Variants in BPIFA1 observed in about 807,000 individuals in gnomAD.
The protein encoded by BPIFA1 is BPI fold-containing family A member 1.
Under a neutral mutation model 25.1 loss-of-function variants are expected in BPIFA1, and 24 were observed. The observed-to-expected ratio is 0.96, with a 90% CI of 0.69 to 1.35. The LOEUF (loss-of-function observed/expected upper bound fraction) is 1.35. Among genes scored for constraint, BPIFA1 ranks in the 40% most tolerant of loss-of-function variants. The pLI is 0.00. For missense variants in BPIFA1, 344 were observed against 303.7 expected (o/e 1.13, Z -0.99); for synonymous variants, 139 against 131.8 (o/e 1.05, Z -0.37).
At chr20:33,240,150 C>T in intron 4 of BPIFA1, 83 bp from the exon 5 acceptor site, 13 of 1,562,288 alleles carry the variant, frequency 8.3e-6, no homozygotes, top group Non-Finnish European at 1.0e-5. Flanking sequence ...TGAGGTGAGG[C>T]TAGCATTCTT....
chr20:33,242,376 C>T (rs1979022123), intron 7 of BPIFA1, 111 bp from the exon 8 acceptor site: 9 of 1,315,632 alleles, frequency 6.8e-6, no homozygotes, highest in Middle Eastern at 1.8e-4. Flanking sequence ...TGAACACAGT[C>T]GGATCTCCAG....
rs770401299 is a variant in BPIFA1, at chr20:33,238,163, G to A, written c.269G>A (p.Gly90Glu). 7 of 1,613,794 alleles carry A rather than the reference G, an allele frequency of 4.3e-6. No individual in the cohort carries two copies. The highest frequency in any genetic ancestry group is 3.3e-5 in the Admixed American group (2 of 59,984). The change falls in exon 3 of 9, where the codon GGA becomes GAA. Residue 90 changes from glycine (G) to glutamate (E), a missense_variant. Gly to Glu is a moderately conservative substitution (Grantham distance 98, BLOSUM62 -2). Transcript: ENST00000354297. ...GGTACTTCTGGTGGCCTCCTTGGGG[G>A]ACTGCTTGGAAAAGTGACGTCAGTG... ...GGGTSGGLLG[G>E]LLGKVTSVIP...
chr20:33,237,480 A>G (rs1169122024), intron 1 of BPIFA1, among the ~76,000 whole-genome samples: 1 of 152,186 alleles, frequency 6.6e-6, no homozygotes, highest in Non-Finnish European at 1.5e-5. Context: ...TGCAGGTAAC[A>G]GGTGCCCATG....
intron 6 of BPIFA1, 52 bp from the exon 7 acceptor site, chr20:33,242,004 C>A: frequency 6.5e-7 from 1 of 1,530,858 alleles, no homozygotes; most frequent in South Asian, 1.1e-5. Flanking sequence ...ACTAGGGATT[C>A]TGCTGCTCCA....
intron 2 of BPIFA1, 66 bp downstream of exon 2, chr20:33,237,937 T>C (rs1978769157): frequency 1.2e-5 from 16 of 1,387,040 alleles, no homozygotes; most frequent in Non-Finnish European, 1.5e-5. Flanking sequence ...TGTGTGTGTG[T>C]GTGTGTGTGT....
In BPIFA1 at chr20:33,237,788, T is replaced by C; in HGVS notation, c.77T>C (p.Val26Ala). 1 of 1,598,932 alleles carries C rather than the reference T, an allele frequency of 6.3e-7. No individual in the cohort carries two copies. Among genetic ancestry groups the C allele is most frequent in the East Asian group, 2.3e-5 (1 of 44,432 alleles). The stretch of plus-strand genomic sequence containing the variant: ...ATGGCCCAGTTTGGAGGCCTGCCCG[T>C]GCCCCTGGACCAGACCCTGCCCTTG... ...QTMAQFGGLP[V>A]PLDQTLPLNV... is the part of the protein sequence containing the mutation. Residue 26 changes from valine (V) to alanine (A), a missense_variant, in exon 2 of 9, where the codon GTG (valine) becomes GCG (alanine). Physicochemically the swap from Val to Ala is moderately conservative, Grantham distance 64 (BLOSUM62 0). Transcript: ENST00000354297.
In BPIFA1 at chr20:33,238,074, G is replaced by C. The variant is rs767007833; in HGVS notation, c.180G>C (p.Leu60=). 7.4e-6 allele frequency: 12 copies of C among 1,613,804 alleles called. No individual in the cohort carries two copies. The highest frequency in any genetic ancestry group is 7.6e-6 in the Non-Finnish European group (9 of 1,179,900). ...SLTNALSNGL[L]SGGLLGILEN... is the part of the protein sequence containing the mutation. ...TTCCAGCCCTCAGCAATGGCCTGCT[G>C]TCTGGGGGCCTGTTGGGCATTCTGG... The change falls in exon 3 of 9, where the codon CTG becomes CTC. Residue 60 remains leucine (L), a synonymous_variant. Coordinates refer to ENST00000354297, the MANE Select transcript of BPIFA1 (RefSeq NM_130852.3).
Position 33,237,777 on chromosome 20 carries a change from A to G in BPIFA1, c.66A>G (p.Gly22=), listed in dbSNP as rs1207762294. ...GLLAQTMAQF[G]GLPVPLDQTL... ...TAGCCCAGACCATGGCCCAGTTTGG[A>G]GGCCTGCCCGTGCCCCTGGACCAGA... The change falls in exon 2 of 9, where the codon GGA becomes GGG. Residue 22 remains glycine, a synonymous_variant. Coordinates refer to ENST00000354297, the MANE Select transcript of BPIFA1 (RefSeq NM_130852.3). 1 of 1,590,794 alleles carries G rather than the reference A, an allele frequency of 6.3e-7. No individual in the cohort carries two copies.
At position 33,237,763 on chromosome 20, in the gene BPIFA1, ATGGCCCAGTTTGGAGGCC is replaced by A. The variant is rs1269099480; in HGVS notation, c.55_72del (p.Ala19_Leu24del). 6.3e-7 allele frequency: 1 copy of A among 1,580,192 alleles called. No individual in the cohort carries two copies. The highest frequency in any genetic ancestry group is 8.6e-7 in the Non-Finnish European group (1 of 1,163,328). ...CTTCTACGGGCTGTTAGCCCAGACC[ATGGCCCAGTTTGGAGGCC>A]TGCCCGTGCCCCTGGACCAGACCCT... On this transcript the variant is annotated inframe_deletion, in exon 2 of 9. Coordinates refer to ENST00000354297, the MANE Select transcript of BPIFA1 (RefSeq NM_130852.3).
chr20:33,240,530 A>AGATGGATGGATGGATGGATG (rs10677320), intron 5 of BPIFA1, 145 bp downstream of exon 5: 9 of 749,494 alleles, frequency 1.2e-5, no homozygotes, highest in South Asian at 3.8e-5. Context: ...GAGCGTGGAA[A>AGATGGATGGATGGATGGATG]GATGGATGGA....
At chr20:33,237,245 A>C (rs932551354) in intron 1 of BPIFA1, among the ~76,000 whole-genome samples, 2 of 152,194 alleles carry the variant, frequency 1.3e-5, no homozygotes, top group Admixed American at 6.5e-5. Flanking sequence ...AGTGGGTTTC[A>C]AGAAGGGATG....
At chr20:33,240,138 A>G in intron 4 of BPIFA1, 95 bp from the exon 5 acceptor site, 5 of 1,529,668 alleles carry the variant, frequency 3.3e-6, no homozygotes, top group Non-Finnish European at 4.4e-6. Flanking sequence ...GGCAAGATGG[A>G]GTGAGGTGAG....
chr20:33,240,644 A>ATGAT (rs1394615072), intron 5 of BPIFA1, among the ~76,000 whole-genome samples: 2 of 105,846 alleles, frequency 1.9e-5, no homozygotes, highest in African/African-American at 3.5e-5. Flanking sequence ...GGATAGATAG[A>ATGAT]TGATAGATAG....
Position 33,242,095 on chromosome 20 carries a change from A to G in BPIFA1, c.706A>G (p.Ile236Val), listed in dbSNP as rs745833733. ...CAATGAGGTTCTCAGAGGCTTGGAC[A>G]TCACCCTGGTGCATGACATTGTTAG... ...LVNEVLRGLD[I>V]TLVHDIVNML... The change falls in exon 7 of 9, where the codon ATC becomes GTC. Residue 236 changes from isoleucine to valine, a missense_variant. Physicochemically the swap from Ile to Val is conservative, Grantham distance 29. Transcript: ENST00000354297. The G allele has an allele frequency of 6.2e-7, 1 of 1,614,154 alleles. No individual in the cohort carries two copies. The highest frequency in any genetic ancestry group is 2.2e-5 in the East Asian group (1 of 44,886).
chr20:33,237,859 A>T lies in BPIFA1; in HGVS notation c.148A>T (p.Ser50Cys). The change falls in exon 2 of 9, where the codon AGC becomes TGC. Residue 50 changes from serine (S) to cysteine (C), a missense_variant. By Grantham distance (112) the Ser-to-Cys change is moderately radical (BLOSUM62 -1). Transcript: ENST00000354297. ...LPLSPTGLAG[S>C]LTNALSNGLL... ...CTTGAGTCCCACAGGTCTTGCAGGA[A>T]GCTTGACAAATGGTGAGTTTTCAGG... 6.3e-7 allele frequency: 1 copy of T among 1,575,434 alleles called. No homozygotes were observed. Among genetic ancestry groups the T allele is most frequent in the Non-Finnish European group, 8.6e-7 (1 of 1,162,354 alleles).
intron 1 of BPIFA1, among the ~76,000 whole-genome samples, chr20:33,236,636 C>T (rs1330429519): frequency 6.6e-6 from 1 of 152,144 alleles, no homozygotes; most frequent in Non-Finnish European, 1.5e-5. Flanking sequence ...TGCTGGCTGC[C>T]AAATAGACCT....
At chr20:33,241,944 G>A in intron 6 of BPIFA1, 112 bp from the exon 7 acceptor site, 1 of 951,122 alleles carries the variant, frequency 1.1e-6, no homozygotes, top group Non-Finnish European at 1.7e-6. Context: ...GGATTGCTTA[G>A]AATCACTTTC....
chr20:33,240,049 C>G, intron 4 of BPIFA1, 139 bp downstream of exon 4: 1 of 1,331,078 alleles, frequency 7.5e-7, no homozygotes, highest in Non-Finnish European at 1.1e-6. Flanking sequence ...TGCTAAGTGG[C>G]CTTGGGTCAC....
intron 2 of BPIFA1, 39 bp from the exon 3 acceptor site, chr20:33,238,016 T>G (rs1264503364): frequency 1.3e-6 from 2 of 1,588,506 alleles, no homozygotes; most frequent in Non-Finnish European, 1.7e-6. Flanking sequence ...TCTGGAATTG[T>G]CAGATCTGAC....
Sources: allele counts gnomAD v4.1 joint callset (sites outside exome capture counted in the v4.1 genomes callset), GRCh38; gene constraint gnomAD v4.1.1; transcripts MANE v1.5; gene names NCBI Gene and HGNC (gene_info 2026-07-23, HGNC 2026-07-21).